Variants in ITPKB observed in about 807,000 individuals in gnomAD.
ITPKB encodes IP3 3-kinase B.
In ITPKB, 13 loss-of-function variants were observed where a neutral mutation model predicts 69.4. The observed-to-expected ratio is 0.19, with a 90% CI of 0.12 to 0.30. The LOEUF (loss-of-function observed/expected upper bound fraction) is 0.30, where lower values mean the gene tolerates loss of function less well. Ranked by LOEUF, ITPKB falls within the 10% of genes least tolerant of loss-of-function variation. The probability of loss-of-function intolerance (pLI) is 1.00; values close to 1 mark genes in which losing one functional copy is unlikely to be tolerated. For missense variants in ITPKB, 1,240 were observed against 1,250.5 expected (o/e 0.99, Z 0.13); for synonymous variants, 584 against 513.7 (o/e 1.14, Z -1.85).
Position 226,632,585 on chromosome 1 carries a change from T to C in ITPKB, c.*2086A>G, listed in dbSNP as rs935925364. 1 of 152,468 alleles carries C rather than the reference T, an allele frequency of 6.6e-6. No individual in the cohort carries two copies. 9.4% of individuals were successfully genotyped at this position (152,468 alleles called of 1,614,324 possible). The stretch of plus-strand genomic sequence containing the variant: ...CCTAAAATGATGCTACTTCATACTA[T>C]GTTCACATATTTAATGTAACCCACA... On this transcript the variant is annotated 3_prime_UTR_variant, in exon 8 of 8. Coordinates refer to ENST00000429204, the MANE Select transcript of ITPKB (RefSeq NM_002221.4).
intron 2 of ITPKB, among the ~76,000 whole-genome samples, chr1:226,735,300 A>G (rs1450746013): frequency 6.6e-6 from 1 of 152,214 alleles, no homozygotes; most frequent in Non-Finnish European, 1.5e-5. Context: ...ATATGCATGG[A>G]AATAGTAGAA....
At chr1:226,727,322 T>C (rs974762243) in intron 2 of ITPKB, among the ~76,000 whole-genome samples, 1 of 152,044 alleles carries the variant, frequency 6.6e-6, no homozygotes, top group Non-Finnish European at 1.5e-5. Flanking sequence ...GAAAACAAAT[T>C]GAGTTGAGCC....
At chr1:226,663,853 A>G (rs777890853) in intron 2 of ITPKB, among the ~76,000 whole-genome samples, 2 of 152,074 alleles carry the variant, frequency 1.3e-5, no homozygotes, top group African/African-American at 2.4e-5. Flanking sequence ...TTTTATATTG[A>G]GGTATTTTGC....
chr1:226,738,465 A>AGT lies in ITPKB; in HGVS notation c.-206+574_-206+575dup, dbSNP rs3834098. 1.3e-3 allele frequency among the ~76,000 whole-genome samples: 199 copies of AGT among 152,226 alleles called. 3 individuals are homozygous for AGT. The East Asian group carries it at 0.029, about 22-fold the overall frequency. Reference sequence around the variant, plus strand: ...CGTCCCCTATGGGGGGGTGTCTGTGAGTGTGTGTGTATACACGCGTGTGTG... The same window carrying AGT: ...CGTCCCCTATGGGGGGGTGTCTGTGAGTGTGTGTGTGTATACACGCGTGTGTG... On this transcript the variant is annotated intron_variant, in intron 1 of 7. Coordinates refer to ENST00000429204, the MANE Select transcript of ITPKB (RefSeq NM_002221.4). This position sits in a 1 kb window ranked among gnomAD's most constrained non-coding sequence, Gnocchi z 4.2.
At chr1:226,706,675 G>A (rs1656808005) in intron 2 of ITPKB, among the ~76,000 whole-genome samples, 3 of 152,188 alleles carry the variant, frequency 2.0e-5, no homozygotes, top group African/African-American at 7.2e-5. Context: ...CAGGTGACAG[G>A]GCAAATTATA....
intron 2 of ITPKB, among the ~76,000 whole-genome samples, chr1:226,682,281 C>A (rs1656110733): frequency 6.6e-6 from 1 of 152,154 alleles, no homozygotes; most frequent in Non-Finnish European, 1.5e-5. Flanking sequence ...CCACTGGACA[C>A]CATTGGTCAA....
At chr1:226,650,875 C>T (rs762093701) in intron 2 of ITPKB, among the ~76,000 whole-genome samples, 15 of 152,186 alleles carry the variant, frequency 9.9e-5, no homozygotes, top group Non-Finnish European at 1.8e-4. Flanking sequence ...GTATACCAGG[C>T]TCCTTGGATG....
chr1:226,735,134 T>C (rs1418087955), intron 2 of ITPKB, among the ~76,000 whole-genome samples: 1 of 152,198 alleles, frequency 6.6e-6, no homozygotes, highest in African/African-American at 2.4e-5. Flanking sequence ...AAACACAGAG[T>C]TAAGTGTTTC....
intron 4 of ITPKB, among the ~76,000 whole-genome samples, chr1:226,645,053 C>G (rs894178391): frequency 1.3e-5 from 2 of 152,238 alleles, no homozygotes; most frequent in Admixed American, 6.5e-5. Context: ...TGCTGCCTGG[C>G]TGGGTGGCCC....
intron 2 of ITPKB, among the ~76,000 whole-genome samples, chr1:226,653,675 C>T (rs1263061475): frequency 1.3e-5 from 2 of 152,244 alleles, no homozygotes; most frequent in Non-Finnish European, 2.9e-5. Context: ...GAAAGCACCA[C>T]AACGCAGGGG....
chr1:226,678,462 G>C (rs1655967728), intron 2 of ITPKB, among the ~76,000 whole-genome samples: 1 of 152,332 alleles, frequency 6.6e-6, no homozygotes, highest in Non-Finnish European at 1.5e-5. Flanking sequence ...GGAGCAGGCT[G>C]ATTAGTCTAG....
At chr1:226,718,290 CAAAA>C (rs60739828) in intron 2 of ITPKB, among the ~76,000 whole-genome samples, 1 of 96,566 alleles carries the variant, frequency 1.0e-5, no homozygotes, top group African/African-American at 3.5e-5. Flanking sequence ...CAAGACTTCT[CAAAA>C]AAAAAAAAAA....
intron 2 of ITPKB, among the ~76,000 whole-genome samples, chr1:226,683,349 T>C (rs1407274110): frequency 1.3e-5 from 2 of 152,252 alleles, no homozygotes; most frequent in Non-Finnish European, 2.9e-5. Context: ...TCATCCATTA[T>C]TTCTTATGAT....
At chr1:226,649,384 A>ATGTGTGTGCATGTGATTGTGTGCG (rs1669128891) in intron 2 of ITPKB, among the ~76,000 whole-genome samples, 1 of 138,798 alleles carries the variant, frequency 7.2e-6, no homozygotes, top group East Asian at 2.1e-4. Context: ...GATTGTGTGC[A>ATGTGTGTGCATGTGATTGTGTGCG]TGTGTGCATG....
At chr1:226,691,970 G>C (rs1269756626) in intron 2 of ITPKB, among the ~76,000 whole-genome samples, 1 of 152,160 alleles carries the variant, frequency 6.6e-6, no homozygotes, top group African/African-American at 2.4e-5. Flanking sequence ...CCAGGTACCT[G>C]CTGAACCCCA....
At chr1:226,679,918 A>AAG (rs1656036225) in intron 2 of ITPKB, among the ~76,000 whole-genome samples, 2 of 151,896 alleles carry the variant, frequency 1.3e-5, no homozygotes, top group African/African-American at 4.9e-5. Context: ...CAAACCCGGG[A>AAG]AGAGTTAAAG....
chr1:226,673,102 T>C (rs113264753), intron 2 of ITPKB, among the ~76,000 whole-genome samples: 31 of 152,226 alleles, frequency 2.0e-4, no homozygotes, highest in Non-Finnish European at 3.8e-4. Context: ...CCGGATGCAG[T>C]AGCTCATGCC....
chr1:226,696,575 G>T (rs934550109), intron 2 of ITPKB, among the ~76,000 whole-genome samples: 1 of 152,162 alleles, frequency 6.6e-6, no homozygotes, highest in Non-Finnish European at 1.5e-5. Context: ...TTAATTACTA[G>T]CTTGGAGCAT....
At chr1:226,722,833 G>A (rs1454313844) in intron 2 of ITPKB, among the ~76,000 whole-genome samples, 1 of 151,046 alleles carries the variant, frequency 6.6e-6, no homozygotes, top group East Asian at 1.9e-4. Flanking sequence ...TGGAAGCTCT[G>A]TACAGATGCC....
Sources: gnomAD v4.1 joint callset for allele counts (sites outside exome capture counted in the v4.1 genomes callset) on GRCh38, gnomAD v4.1.1 for gene constraint, Gnocchi (gnomAD v3.1) non-coding constraint, MANE v1.5 for transcripts, NCBI Gene and HGNC (gene_info 2026-07-23, HGNC 2026-07-21) for gene names.